Variants in ZNF862 observed in about 807,000 individuals in gnomAD.
ZNF862 encodes zinc finger protein 862.
A neutral mutation model predicts 91.1 loss-of-function variants in ZNF862; 64 were observed. The ratio of observed to expected loss-of-function variants is 0.70; its 90% CI spans 0.57 to 0.87. The LOEUF is 0.87. Among genes scored for constraint, ZNF862 ranks in the 40% least tolerant of loss-of-function variants. ZNF862 has a pLI of 0.00. For missense variants in ZNF862, 1,459 were observed against 1,528.0 expected (o/e 0.95, Z 0.75); for synonymous variants, 631 against 618.1 (o/e 1.02, Z -0.31).
At chr7:149,839,402 A>G (rs1489169539) in intron 1 of ZNF862, among the ~76,000 whole-genome samples, 2 of 152,218 alleles carry the variant, frequency 1.3e-5, no homozygotes, top group Non-Finnish European at 2.9e-5. Flanking sequence ...AATTCTCTCA[A>G]CAAACGTTTT....
intron 1 of ZNF862, among the ~76,000 whole-genome samples, chr7:149,842,493 A>C (rs1401048523): frequency 6.6e-6 from 1 of 152,190 alleles, no homozygotes; most frequent in Non-Finnish European, 1.5e-5. Flanking sequence ...CATTGCAGTC[A>C]CCTGGAATCA....
intron 3 of ZNF862, among the ~76,000 whole-genome samples, chr7:149,847,105 T>C (rs1423928594): frequency 6.6e-6 from 1 of 152,220 alleles, no homozygotes; most frequent in Non-Finnish European, 1.5e-5. Flanking sequence ...ATAAAGAAAC[T>C]TCTAGTTCAG....
Position 149,866,680 on chromosome 7 carries a change from T to A in ZNF862, c.*2396T>A, listed in dbSNP as rs1415305787. 6.6e-6 allele frequency: 1 copy of A among 152,208 alleles called. No individual in the cohort carries two copies. Among genetic ancestry groups the A allele is most frequent in the Non-Finnish European group, 1.5e-5 (1 of 68,072 alleles). 9.4% of individuals were successfully genotyped at this position (152,208 alleles called of 1,614,324 possible). A position where few individuals can be genotyped will look rare whatever the true frequency, so the allele number is the denominator to read the frequency against. ...TGTGCAGCGGGGCCACTGAGAATGC[T>A]GTTTGTCATAAAATTTGCACTACCC... is the stretch of plus-strand genomic sequence containing the variant. On this transcript the variant is annotated 3_prime_UTR_variant, in exon 8 of 8. Coordinates refer to ENST00000223210, the MANE Select transcript of ZNF862 (RefSeq NM_001099220.3).
At chr7:149,842,297 C>T (rs1801735247) in intron 1 of ZNF862, among the ~76,000 whole-genome samples, 1 of 152,158 alleles carries the variant, frequency 6.6e-6, no homozygotes. Context: ...AGGCAATGCA[C>T]AGAGCTAAAG....
At chr7:149,841,525 T>C (rs957279564) in intron 1 of ZNF862, 29 of 984,222 alleles carry the variant, frequency 2.9e-5, no homozygotes, top group Non-Finnish European at 3.3e-5. Flanking sequence ...GCTAGAACAG[T>C]GGAGCAGTTC....
Position 149,850,101 on chromosome 7 carries a change from G to A in ZNF862, c.940-60G>A, listed in dbSNP as rs1005845724. 99 of 1,538,180 alleles carry A rather than the reference G, an allele frequency of 6.4e-5. No homozygotes were observed. The South Asian group carries it at 1.1e-3, about 18-fold the overall frequency. On this transcript the variant is annotated intron_variant, in intron 4 of 7. Coordinates refer to ENST00000223210, the MANE Select transcript of ZNF862 (RefSeq NM_001099220.3). The surrounding 1 kb of genome is among the most constrained non-coding windows in gnomAD (Gnocchi z 4.2). ...AATAGGGCTTCCAAAGGCCCCAGAAGTGTCACGTGGGAGTCTGGCTCGGCA... is the reference window on the plus strand; with the variant it reads ...AATAGGGCTTCCAAAGGCCCCAGAAATGTCACGTGGGAGTCTGGCTCGGCA...
rs747960139 is a variant in ZNF862, at chr7:149,847,964, G to T, written c.471G>T (p.Thr157=). Reference sequence around the variant, plus strand: ...GGCTGATCATGAATGAGGAGCAGACGGCTCTGTTCTGCTCTGCTTGCCGAG... The same window carrying T: ...GGCTGATCATGAATGAGGAGCAGACTGCTCTGTTCTGCTCTGCTTGCCGAG... ...FPWLIMNEEQ[T]ALFCSACREY... Residue 157 remains threonine, a synonymous_variant, in exon 4 of 8, where the codon ACG becomes ACT. Transcript: ENST00000223210. The T allele has an allele frequency of 6.2e-7, 1 of 1,610,348 alleles. No homozygotes were observed. Among genetic ancestry groups the T allele is most frequent in the South Asian group, 1.1e-5 (1 of 90,468 alleles).
Position 149,846,199 on chromosome 7 carries a change from C to G in ZNF862, c.185C>G (p.Pro62Arg). 6.2e-7 allele frequency: 1 copy of G among 1,613,828 alleles called. No individual in the cohort carries two copies. Among genetic ancestry groups the G allele is most frequent in the Non-Finnish European group, 8.5e-7 (1 of 1,179,850 alleles). ...PELFRKFGRG[P>R]EPWLGSVQGQ... The stretch of plus-strand genomic sequence containing the variant: ...CTGTTCCGCAAGTTCGGACGAGGGC[C>G]AGAGCCATGGCTTGGCAGCGTCCAG... The change falls in exon 3 of 8, where the codon CCA (proline) becomes CGA (arginine). Residue 62 changes from proline to arginine, a missense_variant. Physicochemically the swap from Pro to Arg is moderately radical, Grantham distance 103. Transcript: ENST00000223210.
intron 6 of ZNF862, 127 bp from the exon 7 acceptor site, chr7:149,860,256 A>G (rs1323887306): frequency 2.4e-6 from 2 of 822,628 alleles, no homozygotes; most frequent in African/African-American, 3.5e-5. Context: ...TTCTCTAGAA[A>G]GAAGGATTGC....
chr7:149,850,253 G>C lies in ZNF862; in HGVS notation c.1032G>C (p.Arg344=). 6.2e-7 allele frequency: 1 copy of C among 1,613,468 alleles called. No homozygotes were observed. The highest frequency in any genetic ancestry group is 1.3e-5 in the African/African-American group (1 of 75,006). Residue 344 remains arginine, a synonymous_variant, in exon 5 of 8, where the codon CGG becomes CGC. Transcript: ENST00000223210. The surrounding 1 kb of genome is among the most constrained non-coding windows in gnomAD (Gnocchi z 4.2). ...AGGATGTGGCAGTGTATTTCACCCG[G>C]GAGGAGTGGGGCATGCTAGACAAGC... The part of the protein sequence containing the change: ...VFEDVAVYFT[R]EEWGMLDKRQ...
Position 149,865,455 on chromosome 7 carries a change from T to A in ZNF862, c.*1171T>A, listed in dbSNP as rs1802682057. 2 of 152,166 alleles carry A rather than the reference T, an allele frequency of 1.3e-5. No homozygotes were observed. Among genetic ancestry groups the A allele is most frequent in the South Asian group, 4.2e-4 (2 of 4,816 alleles). 9.4% of individuals were successfully genotyped at this position (152,166 alleles called of 1,614,324 possible). A position where few individuals can be genotyped will look rare whatever the true frequency, so the allele number is the denominator to read the frequency against. On this transcript the variant is annotated 3_prime_UTR_variant, in exon 8 of 8. Transcript: ENST00000223210. ...CAACCTCCTCCAGGGACTTTGGGCCTGCTCTAGCTTCAGAACCACAGAACC... is the reference window on the plus strand; with the variant it reads ...CAACCTCCTCCAGGGACTTTGGGCCAGCTCTAGCTTCAGAACCACAGAACC...
Position 149,838,531 on chromosome 7 carries a change from T to A in ZNF862, c.-81T>A. On this transcript the variant is annotated 5_prime_UTR_variant, in exon 1 of 8. Transcript: ENST00000223210. ...TGCCCTCCCCCTCCGGGAGCCTGGG[T>A]CCCCGGGGCGGTCGCGGCGGCTGCA... is the stretch of plus-strand genomic sequence containing the variant. 1 of 1,001,216 alleles carries A rather than the reference T, an allele frequency of 1.0e-6. No homozygotes were observed. Among genetic ancestry groups the A allele is most frequent in the Non-Finnish European group, 1.3e-6 (1 of 776,972 alleles). 62.0% of individuals were successfully genotyped at this position (1,001,216 alleles called of 1,614,324 possible).
rs539569839 is a variant in ZNF862, at chr7:149,864,511, A to C, written c.*227A>C. 40 of 529,834 alleles carry C rather than the reference A, an allele frequency of 7.5e-5. 1 individual carries two copies. The Admixed American group carries it at 1.0e-3, about 13-fold the overall frequency. The allele number at this position is 529,834 out of a possible 1,614,324, so 32.8% of individuals were successfully genotyped here. ...CCTCACAGCACACAAATGTGCCAGA[A>C]GGTTCTATATCTCAAGTTCATTTTT... On this transcript the variant is annotated 3_prime_UTR_variant, in exon 8 of 8. Coordinates refer to ENST00000223210, the MANE Select transcript of ZNF862 (RefSeq NM_001099220.3).
Position 149,862,331 on chromosome 7 carries a change from C to T in ZNF862, c.3171C>T (p.Leu1057=). The change falls in exon 7 of 8, where the codon CTC becomes CTT. Residue 1057 remains leucine, a synonymous_variant. Coordinates refer to ENST00000223210, the MANE Select transcript of ZNF862 (RefSeq NM_001099220.3). ...TCAGGACCGATGAGAGGACCAAGCT[C>T]TCCAACGAGGTGCTCAACATGCTCA... ...NRIRTDERTK[L]SNEVLNMLMM... 3 of 1,613,468 alleles carry T rather than the reference C, an allele frequency of 1.9e-6. No homozygotes were observed. The highest frequency in any genetic ancestry group is 1.1e-5 in the South Asian group (1 of 90,996).
chr7:149,863,690 G>T (rs1802603072), intron 7 of ZNF862, among the ~76,000 whole-genome samples: 1 of 152,144 alleles, frequency 6.6e-6, no homozygotes, highest in Non-Finnish European at 1.5e-5. Flanking sequence ...GCCAAACTAC[G>T]CACCGCTGCC....
chr7:149,863,775 G>C (rs970863941), intron 7 of ZNF862, among the ~76,000 whole-genome samples: 2 of 152,158 alleles, frequency 1.3e-5, no homozygotes, highest in African/African-American at 4.8e-5. Flanking sequence ...GGCCCTTCCT[G>C]TTCACTGTGG....
chr7:149,840,696 ATACT>A (rs1801674690), intron 1 of ZNF862, among the ~76,000 whole-genome samples: 1 of 151,982 alleles, frequency 6.6e-6, no homozygotes, highest in African/African-American at 2.4e-5. Flanking sequence ...AGATACGCAA[ATACT>A]TACCATGTGT....
rs1802052474 is a variant in ZNF862, at chr7:149,850,998, G to C, written c.1117+660G>C. ...GATTAGGAAGAGGGCAGTGCTTCTT[G>C]CTCCTCAGGATGGTGCTCTCCTCTC... On this transcript the variant is annotated intron_variant, in intron 5 of 7. Transcript: ENST00000223210. This position sits in a 1 kb window ranked among gnomAD's most constrained non-coding sequence, Gnocchi z 4.2. The C allele has an allele frequency of 6.6e-6, 1 of 152,410 alleles. No homozygotes were observed. The highest frequency in any genetic ancestry group is 1.9e-4 in the East Asian group (1 of 5,198). The allele number at this position is 152,410 out of a possible 1,614,324, so 9.4% of individuals were successfully genotyped here.
intron 7 of ZNF862, among the ~76,000 whole-genome samples, chr7:149,862,711 C>T (rs1483314035): frequency 1.3e-5 from 2 of 152,234 alleles, no homozygotes; most frequent in Admixed American, 6.5e-5. Flanking sequence ...GTGCAGAGAG[C>T]GTGCATTTCT....
Sources: allele counts gnomAD v4.1 joint callset (sites outside exome capture counted in the v4.1 genomes callset), GRCh38; gene constraint gnomAD v4.1.1; non-coding constraint Gnocchi (gnomAD v3.1); transcripts MANE v1.5; gene names NCBI Gene and HGNC (gene_info 2026-07-23, HGNC 2026-07-21).